Variants in CDYL2 observed in about 807,000 individuals in gnomAD.
The protein encoded by CDYL2 is chromodomain Y-like protein 2.
Under a neutral mutation model 49.4 loss-of-function variants are expected in CDYL2, and 23 were observed. The observed-to-expected ratio is 0.47, with a 90% CI of 0.34 to 0.66. The LOEUF is 0.66. Among genes scored for constraint, CDYL2 ranks in the 30% least tolerant of loss-of-function variants. The pLI is 0.01. For synonymous variants in CDYL2, 360 were observed against 268.8 expected (o/e 1.34, Z -3.32); for missense variants, 678 against 656.4 (o/e 1.03, Z -0.36).
chr16:80,742,319 A>C (rs1435327274), intron 1 of CDYL2: 1 of 152,230 alleles, frequency 6.6e-6, no homozygotes, highest in African/African-American at 2.4e-5. Context: ...ACTTGACAGA[A>C]TTAATGGATG....
intron 1 of CDYL2, among the ~76,000 whole-genome samples, chr16:80,711,379 G>A (rs1315822212): frequency 6.6e-6 from 1 of 152,242 alleles, no homozygotes; most frequent in South Asian, 2.1e-4. Flanking sequence ...GACGTTGACA[G>A]CTTGTGGAGG....
At position 80,674,140 on chromosome 16, in the gene CDYL2, G is replaced by T. The variant is rs141380330; in HGVS notation, c.616+10398C>A. On this transcript the variant is annotated intron_variant, in intron 2 of 6. Coordinates refer to ENST00000570137, the MANE Select transcript of CDYL2 (RefSeq NM_152342.4). Reference sequence around the variant, plus strand: ...AGCAGCCATAGGGAACTAATACAGCGTCCCTTGGTTCACTAAGAGTACCTC... The same window carrying T: ...AGCAGCCATAGGGAACTAATACAGCTTCCCTTGGTTCACTAAGAGTACCTC... 2.6e-5 allele frequency among the ~76,000 whole-genome samples: 4 copies of T among 152,270 alleles called. No individual in the cohort carries two copies. In the South Asian group the frequency reaches 8.3e-4, roughly 32 times the overall value.
chr16:80,662,379 C>T (rs576415628), intron 2 of CDYL2, among the ~76,000 whole-genome samples: 281 of 152,272 alleles, frequency 1.8e-3, no homozygotes, highest in Middle Eastern at 3.4e-3. Flanking sequence ...TCCTCCCTTC[C>T]CCACTTGCTA....
At chr16:80,656,863 C>T (rs2142428605) in intron 2 of CDYL2, among the ~76,000 whole-genome samples, 1 of 152,236 alleles carries the variant, frequency 6.6e-6, no homozygotes, top group Non-Finnish European at 1.5e-5. Context: ...ACTAAGTCTT[C>T]CCTGCAAGAT....
chr16:80,626,016 T>C lies in CDYL2; in HGVS notation c.835-5081A>G, dbSNP rs141967118. 6.6e-5 allele frequency among the ~76,000 whole-genome samples: 10 copies of C among 151,970 alleles called. No individual in the cohort carries two copies. In the East Asian group the frequency reaches 1.7e-3, roughly 26 times the overall value. On this transcript the variant is annotated intron_variant, in intron 3 of 6. Transcript: ENST00000570137. ...CAAGGAATAATAACCAGCAAAGAAA[T>C]TGGTGGATCACACCTGTAATTCTGG...
intron 1 of CDYL2, among the ~76,000 whole-genome samples, chr16:80,710,822 GCT>G (rs1904571293): frequency 6.6e-6 from 1 of 152,056 alleles, no homozygotes; most frequent in South Asian, 2.1e-4. Context: ...TTTTGAATAT[GCT>G]AATTTTCGGT....
intron 1 of CDYL2, among the ~76,000 whole-genome samples, chr16:80,783,293 A>C (rs1476637218): frequency 6.6e-6 from 1 of 152,200 alleles, no homozygotes. Context: ...CACTTAGGGA[A>C]ATGCAATCAA....
intron 3 of CDYL2, among the ~76,000 whole-genome samples, chr16:80,630,607 T>C (rs969136169): frequency 2.6e-5 from 4 of 152,064 alleles, no homozygotes; most frequent in African/African-American, 9.7e-5. Context: ...CACAGAGGTC[T>C]ACACAGCAGA....
intron 1 of CDYL2, among the ~76,000 whole-genome samples, chr16:80,720,468 T>G (rs911557784): frequency 3.3e-5 from 5 of 152,208 alleles, no homozygotes; most frequent in Admixed American, 1.3e-4. Flanking sequence ...GTCATCAGTG[T>G]CATTTGACTC....
chr16:80,684,641 T>C lies in CDYL2; in HGVS notation c.513A>G (p.Gly171=), dbSNP rs759830866. The change falls in exon 2 of 7, where the codon GGA becomes GGG. Residue 171 remains glycine (G), a synonymous_variant. Transcript: ENST00000570137. ...CCAAGCCAGGCTGATGGGACCCATT[T>C]CCAAAGTGCCTCTCATCCTTCTCAG... ...AGSEKDERHF[G]NGSHQPGLDL... 6.2e-7 allele frequency: 1 copy of C among 1,614,084 alleles called. No individual in the cohort carries two copies. The highest frequency in any genetic ancestry group is 1.3e-5 in the African/African-American group (1 of 74,942).
chr16:80,671,820 G>C (rs1336611802), intron 2 of CDYL2, among the ~76,000 whole-genome samples: 1 of 152,192 alleles, frequency 6.6e-6, no homozygotes, highest in Non-Finnish European at 1.5e-5. Flanking sequence ...GAAGGATATG[G>C]TAAAATTAGC....
chr16:80,746,256 G>A (rs753022512), intron 1 of CDYL2, among the ~76,000 whole-genome samples: 2 of 152,178 alleles, frequency 1.3e-5, no homozygotes, highest in Non-Finnish European at 2.9e-5. Context: ...AAAAGCACAG[G>A]CTGAGAACAT....
chr16:80,784,594 T>C (rs1156330882), intron 1 of CDYL2, among the ~76,000 whole-genome samples: 2 of 152,084 alleles, frequency 1.3e-5, no homozygotes, highest in East Asian at 1.9e-4. Context: ...GAAAAAAAGA[T>C]AGTGATGTTT....
intron 2 of CDYL2, among the ~76,000 whole-genome samples, chr16:80,659,328 T>G (rs1296378705): frequency 6.6e-6 from 1 of 152,288 alleles, no homozygotes; most frequent in Admixed American, 6.5e-5. Flanking sequence ...ACTAAAGGCA[T>G]CATGGAATTC....
At chr16:80,788,096 A>G (rs1274294730) in intron 1 of CDYL2, among the ~76,000 whole-genome samples, 5 of 152,180 alleles carry the variant, frequency 3.3e-5, no homozygotes, top group Non-Finnish European at 7.3e-5. Context: ...AAGAAAAAGG[A>G]AAAAAAGCAC....
rs143634103 is a variant in CDYL2, at chr16:80,734,446, G to A, written c.25-49317C>T. On this transcript the variant is annotated intron_variant, in intron 1 of 6. Coordinates refer to ENST00000570137, the MANE Select transcript of CDYL2 (RefSeq NM_152342.4). ...ACAACACTAAAGACTAATGCATTGAGGGTGATGGAAGATTTGGAAACCAGA... is the reference window on the plus strand; with the variant it reads ...ACAACACTAAAGACTAATGCATTGAAGGTGATGGAAGATTTGGAAACCAGA... 3.3e-5 allele frequency among the ~76,000 whole-genome samples: 5 copies of A among 152,268 alleles called. No individual in the cohort carries two copies. The East Asian group carries it at 9.6e-4, about 29-fold the overall frequency.
chr16:80,793,626 G>C (rs1907677476), intron 1 of CDYL2, among the ~76,000 whole-genome samples: 1 of 152,192 alleles, frequency 6.6e-6, no homozygotes, highest in Non-Finnish European at 1.5e-5. Context: ...TACAACCTTG[G>C]ATAATACAGA....
chr16:80,759,706 A>G (rs1409418283), intron 1 of CDYL2, among the ~76,000 whole-genome samples: 1 of 152,202 alleles, frequency 6.6e-6, no homozygotes. Flanking sequence ...ATGCAAGTGC[A>G]TGAGGAAGAA....
chr16:80,614,548 T>C (rs1184960186), intron 4 of CDYL2, among the ~76,000 whole-genome samples: 1 of 152,210 alleles, frequency 6.6e-6, no homozygotes, highest in African/African-American at 2.4e-5. Context: ...GGCTTACTTG[T>C]TACAACAGCT....
Sources: gnomAD v4.1 joint callset for allele counts (sites outside exome capture counted in the v4.1 genomes callset) on GRCh38, gnomAD v4.1.1 for gene constraint, MANE v1.5 for transcripts, NCBI Gene and HGNC (gene_info 2026-07-23, HGNC 2026-07-21) for gene names.